The following UNC5D variants were observed in gnomAD, a reference collection of about 807,000 sequenced individuals.
UNC5D encodes the protein unc-5 netrin receptor D.
UNC5D carries 39 observed loss-of-function variants against 105.4 expected under a neutral mutation model. The ratio of observed to expected loss-of-function variants is 0.37; its 90% CI spans 0.29 to 0.48. UNC5D has a LOEUF of 0.48. Among genes scored for constraint, UNC5D ranks in the 20% least tolerant of loss-of-function variants. The pLI is 0.98. For synonymous variants in UNC5D, 452 were observed against 450.4 expected, an observed-to-expected ratio of 1.00 and a Z score of -0.04; for missense variants, 991 against 1,202.4, an observed-to-expected ratio of 0.82 and a Z score of 2.60.
intron 1 of UNC5D, among the ~76,000 whole-genome samples, chr8:35,328,469 G>T (rs563195851): frequency 1.5e-3 from 230 of 152,234 alleles, no homozygotes; most frequent in African/African-American, 5.5e-3. Context: ...AAAGGACTTA[G>T]GTTCAGTTTT....
chr8:35,551,827 GAAAA>G (rs1816168502), intron 2 of UNC5D, among the ~76,000 whole-genome samples: 2 of 148,626 alleles, frequency 1.3e-5, no homozygotes, highest in African/African-American at 5.0e-5. Context: ...AAAAAAAAAA[GAAAA>G]AAAGGAAAAG....
intron 15 of UNC5D, among the ~76,000 whole-genome samples, chr8:35,769,013 A>T (rs1291975291): frequency 6.6e-6 from 1 of 152,128 alleles, no homozygotes; most frequent in Non-Finnish European, 1.5e-5. Flanking sequence ...TTTTGTATAA[A>T]CTGTATTTTT....
chr8:35,369,610 G>A (rs1481745868), intron 1 of UNC5D, among the ~76,000 whole-genome samples: 2 of 152,194 alleles, frequency 1.3e-5, no homozygotes, highest in African/African-American at 4.8e-5. Context: ...AGTTGGCCAT[G>A]TCCATGCGTA....
intron 7 of UNC5D, among the ~76,000 whole-genome samples, chr8:35,701,794 A>G (rs1465237545): frequency 1.3e-5 from 2 of 151,772 alleles, no homozygotes; most frequent in East Asian, 3.9e-4. Context: ...TTTCATATCT[A>G]TAAAATCACA....
chr8:35,294,336 T>A lies in UNC5D; in HGVS notation c.103+58449T>A, dbSNP rs181137200. ...ATTTACATTTGCATTAAAAACCTGTTCAGGTAGATATCCTTTCTCAATAAT... is the reference window on the plus strand; with the variant it reads ...ATTTACATTTGCATTAAAAACCTGTACAGGTAGATATCCTTTCTCAATAAT... On this transcript the variant is annotated intron_variant, in intron 1 of 16. Transcript: ENST00000404895. Among the ~76,000 whole-genome samples, 7 of 152,312 alleles carry A rather than the reference T, an allele frequency of 4.6e-5. No individual in the cohort carries two copies. The East Asian group carries it at 1.4e-3, about 29-fold the overall frequency.
At chr8:35,544,382 A>G (rs772609358) in intron 1 of UNC5D, 1 of 1,600,888 alleles carries the variant, frequency 6.2e-7, no homozygotes, top group Non-Finnish European at 8.5e-7. Flanking sequence ...CAGAAAATCT[A>G]TCAGTAGCGT....
intron 1 of UNC5D, among the ~76,000 whole-genome samples, chr8:35,476,934 C>T (rs1810145582): frequency 6.6e-6 from 1 of 152,218 alleles, no homozygotes; most frequent in South Asian, 2.1e-4. Context: ...TTCCCCCAGC[C>T]TTCTTTGCTC....
At chr8:35,629,782 T>C (rs558401245) in intron 4 of UNC5D, among the ~76,000 whole-genome samples, 12 of 152,328 alleles carry the variant, frequency 7.9e-5, no homozygotes, top group African/African-American at 2.9e-4. Flanking sequence ...CTAGAACACA[T>C]CTTTAGCTTC....
Position 35,683,566 on chromosome 8 carries a change from A to G in UNC5D, c.590A>G (p.Glu197Gly). The G allele has an allele frequency of 6.4e-7, 1 of 1,559,434 alleles. No homozygotes were observed. The highest frequency in any genetic ancestry group is 8.6e-7 in the Non-Finnish European group (1 of 1,161,010). Residue 197 changes from glutamate to glycine, a missense_variant, in exon 5 of 17, where the codon GAA (glutamate) becomes GGA (glycine). Physicochemically the swap from Glu to Gly is moderately conservative, Grantham distance 98 (BLOSUM62 -2). Transcript: ENST00000404895. Reference protein sequence around the residue: ...PAAEVEWLKNEEPIDSEQDEN... With the variant: ...PAAEVEWLKNGEPIDSEQDEN... ...CTGTAGGTGGAATGGCTGAAAAATG[A>G]AGAGCCCATTGACTCTGAACAAGAC... is the stretch of plus-strand genomic sequence containing the variant.
At chr8:35,587,305 A>G (rs1321486822) in intron 3 of UNC5D, among the ~76,000 whole-genome samples, 3 of 150,838 alleles carry the variant, frequency 2.0e-5, no homozygotes, top group Admixed American at 6.6e-5. Context: ...CACACACACA[A>G]TGTGTGTGTA....
chr8:35,309,991 T>A (rs1013431041), intron 1 of UNC5D, among the ~76,000 whole-genome samples: 2 of 152,316 alleles, frequency 1.3e-5, no homozygotes, highest in Admixed American at 6.5e-5. Flanking sequence ...TGTTTTTAAA[T>A]GAAATATTCA....
intron 1 of UNC5D, among the ~76,000 whole-genome samples, chr8:35,456,496 T>C (rs956957753): frequency 1.3e-5 from 2 of 152,208 alleles, no homozygotes; most frequent in African/African-American, 4.8e-5. Context: ...CTGAGCAGTT[T>C]AGCATTCATT....
At chr8:35,291,945 G>T (rs1807097402) in intron 1 of UNC5D, among the ~76,000 whole-genome samples, 1 of 152,180 alleles carries the variant, frequency 6.6e-6, no homozygotes, top group Admixed American at 6.5e-5. Context: ...AGATTGTACA[G>T]CCATGGAAAA....
chr8:35,611,558 A>AT (rs1820683244), intron 4 of UNC5D, among the ~76,000 whole-genome samples: 1 of 152,202 alleles, frequency 6.6e-6, no homozygotes, highest in Admixed American at 6.5e-5. Flanking sequence ...GGTCGCATGA[A>AT]TTTTTTACAA....
intron 1 of UNC5D, among the ~76,000 whole-genome samples, chr8:35,533,305 C>A (rs538573453): frequency 1.3e-5 from 2 of 151,958 alleles, no homozygotes; most frequent in African/African-American, 4.8e-5. Flanking sequence ...AATACCCTGC[C>A]GTGTGAGGGG....
chr8:35,297,012 A>C (rs1193299951), intron 1 of UNC5D, among the ~76,000 whole-genome samples: 1 of 152,232 alleles, frequency 6.6e-6, no homozygotes, highest in South Asian at 2.1e-4. Flanking sequence ...ACTTCAGCTC[A>C]GAACATTTAC....
At chr8:35,544,605 T>A in intron 1 of UNC5D, 1 of 1,491,640 alleles carries the variant, frequency 6.7e-7, no homozygotes, top group Non-Finnish European at 8.9e-7. Context: ...GTTTTTTTTT[T>A]TTTTTTTTTT....
intron 1 of UNC5D, among the ~76,000 whole-genome samples, chr8:35,468,392 G>A (rs4739411): frequency 4.6e-5 from 7 of 152,136 alleles, no homozygotes; most frequent in South Asian, 2.1e-4. Context: ...TGTTGTAAAA[G>A]TTCGATTTCA....
chr8:35,332,286 T>C (rs1460205587), intron 1 of UNC5D, among the ~76,000 whole-genome samples: 1 of 152,104 alleles, frequency 6.6e-6, no homozygotes, highest in Non-Finnish European at 1.5e-5. Context: ...TTTACTATTG[T>C]ACTGTGATGT....
Sources: allele counts gnomAD v4.1 joint callset (sites outside exome capture counted in the v4.1 genomes callset), GRCh38; gene constraint gnomAD v4.1.1; transcripts MANE v1.5; gene names NCBI Gene and HGNC (gene_info 2026-07-23, HGNC 2026-07-21).